Variants in CEP250 observed in about 807,000 individuals in gnomAD.
CEP250 encodes the protein centrosome-associated protein CEP250.
In CEP250, 242 loss-of-function variants were observed where a neutral mutation model predicts 315.7. The observed-to-expected ratio is 0.77, with a 90% CI of 0.69 to 0.85. The LOEUF (loss-of-function observed/expected upper bound fraction) is 0.85, where lower values mean the gene tolerates loss of function less well. Ranked by LOEUF, CEP250 falls within the 40% of genes least tolerant of loss-of-function variation. The pLI is 0.00. For missense variants in CEP250, 2,515 were observed against 2,886.4 expected, an observed-to-expected ratio of 0.87 and a Z score of 2.95; for synonymous variants, 1,088 against 1,175.0, an observed-to-expected ratio of 0.93 and a Z score of 1.51.
chr20:35,517,746 C>T lies in CEP250; in HGVS notation c.*6120C>T, dbSNP rs1250658229. The T allele has an allele frequency of 7.4e-6, 1 of 135,016 alleles. No individual in the cohort carries two copies. Among genetic ancestry groups the T allele is most frequent in the East Asian group, 2.1e-4 (1 of 4,878 alleles). The allele number at this position is 135,016 out of a possible 1,614,324, so 8.4% of individuals were successfully genotyped here. A position where few individuals can be genotyped will look rare whatever the true frequency, so the allele number is the denominator to read the frequency against. ...CAGCCTGAGTGATAAAAGTGAGACC[C>T]TGTCTCAAAAAAAAAAAAAAAATTA... On this transcript the variant is annotated 3_prime_UTR_variant, in exon 35 of 35. Transcript: ENST00000397527.
At chr20:35,470,808 T>C (rs967570429) in intron 10 of CEP250, among the ~76,000 whole-genome samples, 2 of 152,200 alleles carry the variant, frequency 1.3e-5, no homozygotes, top group Non-Finnish European at 2.9e-5. Context: ...AAAACCAATG[T>C]CAATAGCTAG....
In CEP250 at chr20:35,456,078, A is replaced by G. The variant is rs531133501; in HGVS notation, c.-298+327A>G. ...ACCCGGCTAATTTTATGTTTTTAGT[A>G]GAGACGGGGTTTCTCCATGTTGGTC... is the stretch of plus-strand genomic sequence containing the variant. On this transcript the variant is annotated intron_variant, in intron 1 of 34. Coordinates refer to ENST00000397527, the MANE Select transcript of CEP250 (RefSeq NM_007186.6). 3.9e-5 allele frequency among the ~76,000 whole-genome samples: 6 copies of G among 152,232 alleles called. No individual in the cohort carries two copies. In the South Asian group the frequency reaches 1.0e-3, roughly 26 times the overall value.
At chr20:35,470,225 T>C in intron 10 of CEP250, 1 of 574,502 alleles carries the variant, frequency 1.7e-6, no homozygotes, top group Non-Finnish European at 3.1e-6. Context: ...GGCATATGTA[T>C]GCAGTGTGTC....
chr20:35,505,081 TG>T, intron 30 of CEP250, 76 bp downstream of exon 30: 1 of 1,289,944 alleles, frequency 7.8e-7, no homozygotes, highest in Non-Finnish European at 1.1e-6. Context: ...CCCACCACCC[TG>T]GGCCCTGTGG....
At chr20:35,483,327 A>G (rs929111738) in intron 20 of CEP250, among the ~76,000 whole-genome samples, 2,164 of 147,676 alleles carry the variant, frequency 0.015, 40 homozygotes, top group African/African-American at 0.054. Flanking sequence ...TCTCAAAAAA[A>G]AAAAAAAATT....
At position 35,493,098 on chromosome 20, in the gene CEP250, A is replaced by T. The variant is rs565270719; in HGVS notation, c.2890-331A>T. Among the ~76,000 whole-genome samples the T allele has an allele frequency of 5.9e-5, 9 of 152,076 alleles. No homozygotes were observed. In the East Asian group the frequency reaches 1.7e-3, roughly 29 times the overall value. On this transcript the variant is annotated intron_variant, in intron 22 of 34. Transcript: ENST00000397527. ...TATATACGTATACATATGTATATAC[A>T]TATATGTATATGTATTCTCTACTCT...
intron 3 of CEP250, among the ~76,000 whole-genome samples, chr20:35,460,840 G>A (rs971864984): frequency 1.3e-5 from 2 of 152,350 alleles, no homozygotes; most frequent in African/African-American, 2.4e-5. Context: ...AGGCTCACAT[G>A]CATTTCTTCA....
intron 20 of CEP250, among the ~76,000 whole-genome samples, chr20:35,480,669 T>C (rs1232818785): frequency 6.7e-6 from 1 of 149,290 alleles, no homozygotes; most frequent in Non-Finnish European, 1.5e-5. Context: ...CTTGGCTCAC[T>C]GCAACCTCCG....
At chr20:35,506,401 C>T (rs962698839) in intron 30 of CEP250, among the ~76,000 whole-genome samples, 1 of 152,190 alleles carries the variant, frequency 6.6e-6, no homozygotes, top group Non-Finnish European at 1.5e-5. Context: ...ACCTCAAGGT[C>T]AAGCACCGTG....
intron 1 of CEP250, among the ~76,000 whole-genome samples, chr20:35,455,974 C>A (rs2062612079): frequency 6.6e-6 from 1 of 152,234 alleles, no homozygotes. Context: ...CGGCTCACCT[C>A]AACCTCCGCC....
rs758689716 is a variant in CEP250, at chr20:35,479,387, G to A, written c.2251G>A (p.Asp751Asn). The change falls in exon 18 of 35, where the codon GAC (aspartate) becomes AAC (asparagine). Residue 751 changes from aspartate to asparagine, a missense_variant. By Grantham distance (23) the Asp-to-Asn change is conservative. Transcript: ENST00000397527. The stretch of plus-strand genomic sequence containing the variant: ...GGTGCGGCTGCAGGCCGTGGAGCGT[G>A]ACCGGCAGGACCTCGCTGAACAACT... Reference protein sequence around the residue: ...LEVRLQAVERDRQDLAEQLQG... With the variant: ...LEVRLQAVERNRQDLAEQLQG... The A allele has an allele frequency of 2.5e-6, 4 of 1,614,116 alleles. No homozygotes were observed. Among genetic ancestry groups the A allele is most frequent in the Non-Finnish European group, 3.4e-6 (4 of 1,180,004 alleles).
intron 33 of CEP250, among the ~76,000 whole-genome samples, chr20:35,509,781 G>T (rs1429876818): frequency 6.6e-6 from 1 of 152,228 alleles, no homozygotes; most frequent in African/African-American, 2.4e-5. Flanking sequence ...TGGATGTTTT[G>T]TGTCAGGTCT....
In CEP250 at chr20:35,504,736, G is replaced by A. The variant is rs1354726477; in HGVS notation, c.6367G>A (p.Glu2123Lys). Residue 2123 changes from glutamate to lysine, a missense_variant, in exon 30 of 35, where the codon GAA becomes AAA. By Grantham distance (56) the Glu-to-Lys change is moderately conservative. Coordinates refer to ENST00000397527, the MANE Select transcript of CEP250 (RefSeq NM_007186.6). ...LRETQQRNNL[E>K]ALPHSHKTSP... Reference sequence around the variant, plus strand: ...GGAGACCCAGCAAAGGAACAACCTGGAAGCCTTACCCCACAGCCACAAAAC... The same window carrying A: ...GGAGACCCAGCAAAGGAACAACCTGAAAGCCTTACCCCACAGCCACAAAAC... The A allele has an allele frequency of 1.2e-6, 2 of 1,614,084 alleles. No homozygotes were observed. The highest frequency in any genetic ancestry group is 2.2e-5 in the East Asian group (1 of 44,894).
rs765132427 is a variant in CEP250 at position 35,473,875 on chromosome 20, G to T, written c.1394G>T (p.Arg465Leu). The T allele has an allele frequency of 1.6e-5, 25 of 1,611,132 alleles. No individual in the cohort carries two copies. In the African/African-American group the frequency reaches 3.1e-4, roughly 20 times the overall value. The change falls in exon 14 of 35, where the codon CGA becomes CTA. Residue 465 changes from arginine to leucine, a missense_variant. Transcript: ENST00000397527. ...QGEVDSLSKE[R>L]ELLQKAREEL... ...CTCTGATTCCCTTCTTCCAGGGAGC[G>T]AGAGCTGCTGCAGAAGGCCAGGGAA...
rs2064130006 is a variant in CEP250, at chr20:35,504,637, AG to A, written c.6272del (p.Gly2091AlafsTer6). The A allele has an allele frequency of 6.2e-7, 1 of 1,613,598 alleles. No homozygotes were observed. Among genetic ancestry groups the A allele is most frequent in the Admixed American group, 1.7e-5 (1 of 60,002 alleles). On this transcript the variant is annotated frameshift_variant, in exon 30 of 35. Transcript: ENST00000397527. LOFTEE classifies it high-confidence loss of function. Reference sequence around the variant, plus strand: ...GCAAGAGAGAGAAGAGGAGGAGATAAGGGGCCTTCATCAGAGTGTAAGGGAG... The same window carrying A: ...GCAAGAGAGAGAAGAGGAGGAGATAAGGGCCTTCATCAGAGTGTAAGGGAG... ...LGQEREEEEI[R>X]GLHQSVRELQ...
At position 35,517,049 on chromosome 20, in the gene CEP250, T is replaced by C; in HGVS notation, c.*5423T>C. 4.1e-6 allele frequency: 4 copies of C among 985,060 alleles called. No homozygotes were observed. Among genetic ancestry groups the C allele is most frequent in the Non-Finnish European group, 4.8e-6 (4 of 829,566 alleles). The allele number at this position is 985,060 out of a possible 1,614,324, so 61.0% of individuals were successfully genotyped here. The stretch of plus-strand genomic sequence containing the variant: ...CACTGAGAAAAGTGGGAAGCCATGG[T>C]CACAGACTCTACATTCCCCTCTCCT... On this transcript the variant is annotated 3_prime_UTR_variant, in exon 35 of 35. Coordinates refer to ENST00000397527, the MANE Select transcript of CEP250 (RefSeq NM_007186.6).
At chr20:35,501,599 G>A (rs2064004384) in intron 28 of CEP250, among the ~76,000 whole-genome samples, 1 of 152,112 alleles carries the variant, frequency 6.6e-6, no homozygotes, top group African/African-American at 2.4e-5. Flanking sequence ...GGACATATTG[G>A]GATGATTACC....
rs1011226928 is a variant in CEP250, at chr20:35,455,613, C to G, written c.-436C>G. ...CCGAAAGCCCAGTCCCACCCGCCAC[C>G]CGACTCTGGAGCTCCCATTCTTCAG... is the stretch of plus-strand genomic sequence containing the variant. On this transcript the variant is annotated 5_prime_UTR_variant, in exon 1 of 35. Transcript: ENST00000397527. 1.3e-5 allele frequency: 2 copies of G among 152,246 alleles called. No homozygotes were observed. The highest frequency in any genetic ancestry group is 4.8e-5 in the African/African-American group (2 of 41,446). 9.4% of individuals were successfully genotyped at this position (152,246 alleles called of 1,614,324 possible).
intron 1 of CEP250, 28 bp from the exon 2 acceptor site, chr20:35,458,276 C>G (rs1234454791): frequency 2.0e-5 from 3 of 152,126 alleles, no homozygotes; most frequent in Non-Finnish European, 4.4e-5. Context: ...CATAATTTAT[C>G]TCACTCTTCT....
Sources: gnomAD v4.1 joint callset for allele counts (sites outside exome capture counted in the v4.1 genomes callset) on GRCh38, gnomAD v4.1.1 for gene constraint, MANE v1.5 for transcripts, NCBI Gene and HGNC (gene_info 2026-07-23, HGNC 2026-07-21) for gene names.